Variants in SORBS2 observed in about 807,000 individuals in gnomAD.
SORBS2 encodes sorbin and SH3 domain containing 2.
In SORBS2, 46 loss-of-function variants were observed where a neutral mutation model predicts 97.7. The observed-to-expected ratio is 0.47, with a 90% CI of 0.37 to 0.60. The LOEUF (loss-of-function observed/expected upper bound fraction) is 0.60. Among genes scored for constraint, SORBS2 ranks in the 20% least tolerant of loss-of-function variants. The probability of loss-of-function intolerance (pLI) is 0.00; values close to 1 mark genes in which losing one functional copy is unlikely to be tolerated. For synonymous variants in SORBS2, 476 were observed against 473.4 expected (o/e 1.01, Z -0.07); for missense variants, 1,316 against 1,282.3 (o/e 1.03, Z -0.40).
intron 1 of SORBS2, among the ~76,000 whole-genome samples, chr4:185,845,102 TCCTGGGCTCAAATGATTC>T (rs1359716602): frequency 6.6e-6 from 1 of 151,300 alleles, no homozygotes; most frequent in Admixed American, 6.6e-5. Context: ...AGCCTCATCC[TCCTGGGCTCAAATGATTC>T]TCCCACCTCA....
intron 4 of SORBS2, among the ~76,000 whole-genome samples, chr4:185,664,277 A>T (rs2097565973): frequency 6.6e-6 from 1 of 152,246 alleles, no homozygotes; most frequent in Non-Finnish European, 1.5e-5. Context: ...TGTCATGAAT[A>T]ATCTATTTGC....
intron 1 of SORBS2, among the ~76,000 whole-genome samples, chr4:185,824,062 A>G (rs2099198379): frequency 6.6e-6 from 1 of 152,092 alleles, no homozygotes; most frequent in African/African-American, 2.4e-5. Context: ...TGGTTACTGC[A>G]TTTGCTCCCT....
chr4:185,761,930 T>C (rs6840516), intron 2 of SORBS2, among the ~76,000 whole-genome samples: 1 of 152,040 alleles, frequency 6.6e-6, no homozygotes, highest in Non-Finnish European at 1.5e-5. Flanking sequence ...GACAGCAAAG[T>C]GCACAACTTG....
chr4:185,838,064 A>C (rs115835817), intron 1 of SORBS2, among the ~76,000 whole-genome samples: 541 of 152,320 alleles, frequency 3.6e-3, no homozygotes, highest in African/African-American at 0.013. Flanking sequence ...CCCATTTGAC[A>C]CTAATTCCAA....
At chr4:185,591,830 A>C (rs879425730) in intron 13 of SORBS2, 1 of 152,242 alleles carries the variant, frequency 6.6e-6, no homozygotes, top group Non-Finnish European at 1.5e-5. Context: ...AAATTGGCAC[A>C]GACTCCTGCT....
Position 185,623,074 on chromosome 4 carries a change from G to C in SORBS2, c.2055C>G (p.Ser685Arg), listed in dbSNP as rs777918989. ...GTGGGTGGAGAGGCTGGTGCAGGGG[G>C]CTCCTCCTCAGCGCTCTCAGGGATG... The change falls in exon 7 of 15, where the codon AGC becomes AGG. Residue 685 changes from serine to arginine, a missense_variant. By Grantham distance (110) the Ser-to-Arg change is moderately radical. Coordinates refer to ENST00000418609, the Ensembl canonical transcript of SORBS2. The surrounding 1 kb of genome is among the most constrained non-coding windows in gnomAD (Gnocchi z 6.4). The C allele has an allele frequency of 6.2e-7, 1 of 1,614,132 alleles. No homozygotes were observed. Among genetic ancestry groups the C allele is most frequent in the Non-Finnish European group, 8.5e-7 (1 of 1,180,020 alleles).
chr4:185,772,170 T>A (rs908550296), intron 2 of SORBS2: 1 of 152,156 alleles, frequency 6.6e-6, no homozygotes, highest in African/African-American at 2.4e-5. Flanking sequence ...TGCTCGCTAC[T>A]ACCCCGACCC....
rs147536434 is a variant in SORBS2, at chr4:185,623,726, G to C, written c.1403C>G (p.Pro468Arg). The change falls in exon 7 of 15, where the codon CCC (proline) becomes CGC (arginine). Residue 468 changes from proline (P) to arginine (R), a missense_variant. By Grantham distance (103) the Pro-to-Arg change is moderately radical. Coordinates refer to ENST00000418609, the Ensembl canonical transcript of SORBS2. The surrounding 1 kb of genome is among the most constrained non-coding windows in gnomAD (Gnocchi z 6.4). Reference sequence around the variant, plus strand: ...CTGGCAGCCTCGCCGGCCCCGAGCGGGGGGGCCGCTTTGATTTTCTTCCTC... The same window carrying C: ...CTGGCAGCCTCGCCGGCCCCGAGCGCGGGGGCCGCTTTGATTTTCTTCCTC... 3.9e-4 allele frequency: 622 copies of C among 1,613,830 alleles called. 3 individuals carry two copies. In the African/African-American group the frequency reaches 7.3e-3, roughly 19 times the overall value.
chr4:185,839,175 A>G (rs75004797), intron 1 of SORBS2, among the ~76,000 whole-genome samples: 2,792 of 152,290 alleles, frequency 0.018, 89 homozygotes, highest in African/African-American at 0.064. Flanking sequence ...AGAATTTTAA[A>G]CTTGCAGAGG....
intron 1 of SORBS2, among the ~76,000 whole-genome samples, chr4:185,947,930 G>A (rs1561328877): frequency 6.6e-6 from 1 of 152,132 alleles, no homozygotes; most frequent in Non-Finnish European, 1.5e-5. Flanking sequence ...TTTTTTAAAG[G>A]AAGTTCAAAT....
chr4:185,629,544 A>G (rs948065297), intron 5 of SORBS2, among the ~76,000 whole-genome samples: 3 of 146,364 alleles, frequency 2.0e-5, no homozygotes, highest in Non-Finnish European at 3.0e-5. Context: ...ATGTCTGAAT[A>G]TGTCTGAATT....
intron 2 of SORBS2, among the ~76,000 whole-genome samples, chr4:185,762,314 A>G (rs1488921311): frequency 6.6e-6 from 1 of 152,232 alleles, no homozygotes; most frequent in East Asian, 1.9e-4. Flanking sequence ...TGAGGTACTC[A>G]GAAGACATTC....
chr4:185,588,091 CAG>C (rs2095830567), intron 14 of SORBS2: 1 of 182,046 alleles, frequency 5.5e-6, no homozygotes, highest in Non-Finnish European at 1.2e-5. Flanking sequence ...CAAAGCTTCT[CAG>C]GGACCAGCAA....
intron 1 of SORBS2, among the ~76,000 whole-genome samples, chr4:185,799,253 A>G (rs28472422): frequency 0.039 from 5,882 of 152,254 alleles, 177 homozygotes; most frequent in African/African-American, 0.08. Context: ...CCAAAAAAAT[A>G]AGCATGAGAT....
chr4:185,666,446 C>A (rs192467531), intron 4 of SORBS2, among the ~76,000 whole-genome samples: 73 of 152,256 alleles, frequency 4.8e-4, no homozygotes, highest in African/African-American at 1.7e-3. Flanking sequence ...CAATGTAATT[C>A]TGGTTAGGGG....
chr4:185,893,406 T>C (rs1051855098), intron 1 of SORBS2, among the ~76,000 whole-genome samples: 2 of 152,208 alleles, frequency 1.3e-5, no homozygotes, highest in Non-Finnish European at 2.9e-5. Context: ...GCCCACCCAC[T>C]AGCAGGGCTG....
In SORBS2 at chr4:185,623,158, G is replaced by T. The variant is rs754148438; in HGVS notation, c.1971C>A (p.Asp657Glu). The stretch of plus-strand genomic sequence containing the variant: ...TGATGAGGCGGTGCAGGATGCTGTT[G>T]TCCGGCAAGCTCCCCCTTTTCTTTT... Residue 657 changes from aspartate to glutamate, a missense_variant, in exon 7 of 15, where the codon GAC (aspartate) becomes GAA (glutamate). Transcript: ENST00000418609. This position sits in a 1 kb window ranked among gnomAD's most constrained non-coding sequence, Gnocchi z 6.4. The T allele has an allele frequency of 1.9e-6, 3 of 1,614,148 alleles. No homozygotes were observed. Among genetic ancestry groups the T allele is most frequent in the Non-Finnish European group, 2.5e-6 (3 of 1,180,028 alleles).
At chr4:185,662,308 G>A (rs1290415588) in intron 4 of SORBS2, 66 bp from the exon 8 acceptor site, 2 of 1,483,358 alleles carry the variant, frequency 1.3e-6, no homozygotes, top group Non-Finnish European at 1.8e-6. Flanking sequence ...CATTCCATTA[G>A]GTGATAATAA....
At chr4:185,735,688 GT>G (rs1192875709) in intron 2 of SORBS2, among the ~76,000 whole-genome samples, 1 of 151,948 alleles carries the variant, frequency 6.6e-6, no homozygotes, top group African/African-American at 2.4e-5. Context: ...TATTTACTGT[GT>G]GTACGTTTGT....
Sources: gnomAD v4.1 joint callset for allele counts (sites outside exome capture counted in the v4.1 genomes callset) on GRCh38, gnomAD v4.1.1 for gene constraint, Gnocchi (gnomAD v3.1) non-coding constraint, MANE v1.5 for transcripts, NCBI Gene and HGNC (gene_info 2026-07-23, HGNC 2026-07-21) for gene names.